Variants in ITGB3BP observed in about 807,000 individuals in gnomAD.
ITGB3BP encodes the protein integrin subunit beta 3 binding protein.
In ITGB3BP, 27 loss-of-function variants were observed where a neutral mutation model predicts 29.1. That is an observed-to-expected ratio of 0.93 (90% CI 0.68 to 1.28). The LOEUF is 1.28. Among genes scored for constraint, ITGB3BP ranks in the 50% most tolerant of loss-of-function variants. The pLI, the probability that ITGB3BP is intolerant of heterozygous loss-of-function variation, is 0.00. For synonymous variants in ITGB3BP, 61 were observed against 61.4 expected (o/e 0.99, Z 0.03); for missense variants, 192 against 200.2 (o/e 0.96, Z 0.25).
intron 7 of ITGB3BP, among the ~76,000 whole-genome samples, chr1:63,448,329 T>A (rs866976810): frequency 1.6e-3 from 226 of 144,904 alleles, no homozygotes; most frequent in African/African-American, 5.5e-3. Context: ...TAAAGTATAA[T>A]AAAAAATAAA....
At chr1:63,515,583 T>A (rs1646297267) in intron 1 of ITGB3BP, among the ~76,000 whole-genome samples, 1 of 151,990 alleles carries the variant, frequency 6.6e-6, no homozygotes, top group African/African-American at 2.4e-5. Flanking sequence ...ATCCCAGGAC[T>A]TTGGGAGGCT....
chr1:63,514,243 G>A (rs1376660820), intron 1 of ITGB3BP, among the ~76,000 whole-genome samples: 2 of 152,048 alleles, frequency 1.3e-5, no homozygotes, highest in Non-Finnish European at 2.9e-5. Context: ...ATCTTAATAA[G>A]CCATTTATTT....
chr1:63,508,507 A>T, intron 2 of ITGB3BP, 21 bp downstream of exon 2: 1 of 1,269,484 alleles, frequency 7.9e-7, no homozygotes, highest in Non-Finnish European at 1.1e-6. Flanking sequence ...TTCAATGACA[A>T]ACTTTTAAGC....
chr1:63,515,827 A>T (rs1344484944), intron 1 of ITGB3BP, among the ~76,000 whole-genome samples: 527 of 15,806 alleles, frequency 0.033, 6 homozygotes, highest in African/African-American at 0.044. Flanking sequence ...CTCCAACTTA[A>T]AAAAAAAAAA....
intron 1 of ITGB3BP, among the ~76,000 whole-genome samples, chr1:63,510,736 A>AT (rs1434581156): frequency 1.2e-4 from 18 of 152,180 alleles, no homozygotes; most frequent in Non-Finnish European, 4.4e-5. Context: ...GGCCCTGTGC[A>AT]TAATAAATCT....
chr1:63,444,832 C>T (rs1162903897), intron 8 of ITGB3BP, among the ~76,000 whole-genome samples: 2 of 151,900 alleles, frequency 1.3e-5, no homozygotes, highest in Admixed American at 6.6e-5. Flanking sequence ...AGTATCCTGG[C>T]CCTGTTTTAG....
chr1:63,445,416 G>A (rs778013960), intron 8 of ITGB3BP, among the ~76,000 whole-genome samples: 5 of 151,964 alleles, frequency 3.3e-5, no homozygotes, highest in East Asian at 1.9e-4. Context: ...CATAAAAAAC[G>A]GACACAATTT....
intron 2 of ITGB3BP, among the ~76,000 whole-genome samples, chr1:63,494,928 G>C (rs1645750792): frequency 6.6e-6 from 1 of 152,062 alleles, no homozygotes; most frequent in African/African-American, 2.4e-5. Context: ...TTACCCACCT[G>C]AGTAGCTGAG....
chr1:63,462,220 A>AT (rs1438720192), intron 4 of ITGB3BP, among the ~76,000 whole-genome samples: 2 of 152,096 alleles, frequency 1.3e-5, no homozygotes, highest in African/African-American at 4.8e-5. Context: ...ATTCCTGTGT[A>AT]TTTTATCCTT....
At chr1:63,449,217 A>G (rs964699520) in intron 7 of ITGB3BP, 3 of 152,432 alleles carry the variant, frequency 2.0e-5, no homozygotes, top group African/African-American at 7.2e-5. Context: ...TGCAGAGAAA[A>G]CCAGTCAGAA....
At chr1:63,465,152 G>A (rs543072388) in intron 4 of ITGB3BP, among the ~76,000 whole-genome samples, 71 of 152,180 alleles carry the variant, frequency 4.7e-4, no homozygotes, top group African/African-American at 1.7e-3. Flanking sequence ...GAAGGATTTA[G>A]CAGTAAAAAA....
chr1:63,472,615 C>T (rs1461628132), intron 4 of ITGB3BP, among the ~76,000 whole-genome samples: 10 of 150,442 alleles, frequency 6.6e-5, no homozygotes, highest in African/African-American at 1.2e-4. Context: ...CGATTGCAGG[C>T]GCGCGCCGCC....
In ITGB3BP at chr1:63,454,078, T is replaced by G; in HGVS notation, c.428-104A>C. 1 of 606,470 alleles carries G rather than the reference T, an allele frequency of 1.6e-6. No individual in the cohort carries two copies. Among genetic ancestry groups the G allele is most frequent in the East Asian group, 2.9e-5 (1 of 34,304 alleles). 37.6% of individuals were successfully genotyped at this position (606,470 alleles called of 1,614,324 possible). A position where few individuals can be genotyped will look rare whatever the true frequency, so the allele number is the denominator to read the frequency against. On this transcript the variant is annotated intron_variant, in intron 6 of 8. Coordinates refer to ENST00000271002, the MANE Select transcript of ITGB3BP (RefSeq NM_014288.5). The surrounding 1 kb of genome is among the most constrained non-coding windows in gnomAD (Gnocchi z 4.1). Reference sequence around the variant, plus strand: ...ATGAGAAAAAAATAATTCAAAATAATACATATTTATAAGTACCAAATATAA... The same window carrying G: ...ATGAGAAAAAAATAATTCAAAATAAGACATATTTATAAGTACCAAATATAA...
intron 3 of ITGB3BP, among the ~76,000 whole-genome samples, chr1:63,488,802 T>C (rs946266850): frequency 2.0e-5 from 3 of 152,074 alleles, no homozygotes; most frequent in Admixed American, 6.6e-5. Flanking sequence ...AAACAGAACA[T>C]TGCCAGCACC....
intron 2 of ITGB3BP, among the ~76,000 whole-genome samples, chr1:63,504,297 T>C (rs1284190252): frequency 2.6e-5 from 4 of 151,970 alleles, no homozygotes; most frequent in African/African-American, 9.7e-5. Context: ...AGTTCACTCA[T>C]GATTTGGCTC....
At chr1:63,470,015 T>TA (rs1351562284) in intron 4 of ITGB3BP, among the ~76,000 whole-genome samples, 2 of 152,250 alleles carry the variant, frequency 1.3e-5, no homozygotes, top group East Asian at 3.8e-4. Context: ...ATCTATGCCT[T>TA]AAGGACATGC....
In ITGB3BP at chr1:63,470,424, A is replaced by C. The variant is rs150122571; in HGVS notation, c.254+8340T>G. On this transcript the variant is annotated intron_variant, in intron 4 of 8. Transcript: ENST00000271002. ...GTTAGTACCCAGATCACGAAAGAGA[A>C]CACTGACAACATCCCAGAAACTAAG... Among the ~76,000 whole-genome samples the C allele has an allele frequency of 7.8e-3, 1,192 of 152,358 alleles. 13 individuals carry two copies. The highest frequency in any genetic ancestry group is 0.026 in the African/African-American group (1,079 of 41,588).
intron 3 of ITGB3BP, 42 bp downstream of exon 3, chr1:63,490,041 T>C (rs766698696): frequency 1.3e-6 from 2 of 1,566,230 alleles, no homozygotes; most frequent in African/African-American, 1.4e-5. Flanking sequence ...GGCCAATAAC[T>C]AGAAAAACCT....
intron 2 of ITGB3BP, among the ~76,000 whole-genome samples, chr1:63,505,404 T>C (rs1427195472): frequency 6.6e-6 from 1 of 152,208 alleles, no homozygotes; most frequent in Non-Finnish European, 1.5e-5. Flanking sequence ...TTCTCTCTTT[T>C]CTTCTTTATT....
Sources: gnomAD v4.1 joint callset for allele counts (sites outside exome capture counted in the v4.1 genomes callset) on GRCh38, gnomAD v4.1.1 for gene constraint, Gnocchi (gnomAD v3.1) non-coding constraint, MANE v1.5 for transcripts, NCBI Gene and HGNC (gene_info 2026-07-23, HGNC 2026-07-21) for gene names.